The following MACF1 variants were observed in gnomAD, a reference collection of about 807,000 sequenced individuals.
MACF1 encodes microtubule actin crosslinking factor 1.
In MACF1, 193 loss-of-function variants were observed where a neutral mutation model predicts 854.8. The observed-to-expected ratio is 0.23, with a 90% CI of 0.20 to 0.25. The LOEUF (loss-of-function observed/expected upper bound fraction) is 0.25. Among genes scored for constraint, MACF1 ranks in the 10% least tolerant of loss-of-function variants. MACF1 has a pLI of 1.00. For missense variants in MACF1, 7,722 were observed against 8,929.1 expected (o/e 0.86, Z 5.45); for synonymous variants, 3,185 against 3,226.7 (o/e 0.99, Z 0.44).
chr1:39,239,253 C>T (rs1012375404), intron 2 of MACF1, among the ~76,000 whole-genome samples: 11 of 151,934 alleles, frequency 7.2e-5, no homozygotes, highest in Admixed American at 2.0e-4. Context: ...CGCACTCCAG[C>T]GTGGGTGACA....
In MACF1 at chr1:39,462,013, C is replaced by T. The variant is rs116271948; in HGVS notation, c.21654C>T (p.Thr7218=). 4.6e-4 allele frequency: 737 copies of T among 1,613,464 alleles called. 3 individuals are homozygous for T. In the African/African-American group the frequency reaches 9.0e-3, roughly 20 times the overall value. Residue 7218 remains threonine (T), a synonymous_variant, in exon 93 of 101, where the codon ACC becomes ACT. Coordinates refer to ENST00000564288, the MANE Select transcript of MACF1 (RefSeq NM_001394062.1). ...ACAAGGATGCGTATCGACCAACAAC[C>T]GATGCAGATAAAATCGAAGATGAGG... is the stretch of plus-strand genomic sequence containing the variant. ...HPNKDAYRPT[T]DADKIEDEVT...
Position 39,435,674 on chromosome 1 carries a change from G to A in MACF1, c.17901G>A (p.Gln5967=). The change falls in exon 70 of 101, where the codon CAG becomes CAA. Residue 5967 remains glutamine, a synonymous_variant. Transcript: ENST00000564288. The part of the protein sequence containing the change: ...EEGEMVEEKY[Q]KAENMYAQIK... Reference sequence around the variant, plus strand: ...GGGAAATGGTGGAAGAAAAATACCAGAAAGCAGAAAACATGTATGCCCAAA... The same window carrying A: ...GGGAAATGGTGGAAGAAAAATACCAAAAAGCAGAAAACATGTATGCCCAAA... The A allele has an allele frequency of 1.2e-6, 2 of 1,614,186 alleles. No individual in the cohort carries two copies. Among genetic ancestry groups the A allele is most frequent in the South Asian group, 2.2e-5 (2 of 91,090 alleles).
chr1:39,461,899 G>A lies in MACF1; in HGVS notation c.21540G>A (p.Lys7180=). The change falls in exon 93 of 101, where the codon AAG becomes AAA. Residue 7180 remains lysine (K), a synonymous_variant. Coordinates refer to ENST00000564288, the MANE Select transcript of MACF1 (RefSeq NM_001394062.1). ...GILASKFPTT[K]LEMTAVADIF... ...TTTCTCCAGAGTTCCCCACCACCAAGTTAGAGATGACTGCTGTGGCTGACA... is the reference window on the plus strand; with the variant it reads ...TTTCTCCAGAGTTCCCCACCACCAAATTAGAGATGACTGCTGTGGCTGACA... 1 of 1,612,314 alleles carries A rather than the reference G, an allele frequency of 6.2e-7. No individual in the cohort carries two copies.
chr1:39,427,902 TG>T, intron 62 of MACF1, 58 bp from the exon 63 acceptor site: 2 of 1,295,614 alleles, frequency 1.5e-6, no homozygotes, highest in African/African-American at 2.9e-5. Context: ...TTCATCATTT[TG>T]TGTTTACTTT....
chr1:39,123,720 T>TG (rs1553139338), intron 2 of MACF1, among the ~76,000 whole-genome samples: 1 of 134,158 alleles, frequency 7.5e-6, no homozygotes, highest in Non-Finnish European at 1.6e-5. Context: ...TTGTTTTGTT[T>TG]TTTTTTTTTT....
intron 2 of MACF1, among the ~76,000 whole-genome samples, chr1:39,133,469 G>A (rs1643064615): frequency 6.6e-6 from 1 of 152,160 alleles, no homozygotes; most frequent in Non-Finnish European, 1.5e-5. Context: ...CTATAGTTGT[G>A]TGTGTTTAAC....
chr1:39,412,929 A>T, intron 58 of MACF1: 1 of 1,604,666 alleles, frequency 6.2e-7, no homozygotes, highest in Non-Finnish European at 8.5e-7. Context: ...TTGCTTCAAT[A>T]GTCTCCTTAG....
intron 46 of MACF1, 51 bp from the exon 47 acceptor site, chr1:39,359,090 C>A: frequency 6.2e-7 from 1 of 1,607,312 alleles, no homozygotes; most frequent in Non-Finnish European, 8.5e-7. Context: ...TTCCTAGAAT[C>A]ATCTTTGATT....
intron 2 of MACF1, among the ~76,000 whole-genome samples, chr1:39,199,478 C>T (rs1644363362): frequency 6.6e-6 from 1 of 151,894 alleles, no homozygotes; most frequent in Admixed American, 6.6e-5. Context: ...GATCCTGTCT[C>T]TACAGAAAAA....
At chr1:39,174,749 A>C (rs1262675451) in intron 2 of MACF1, among the ~76,000 whole-genome samples, 1 of 152,174 alleles carries the variant, frequency 6.6e-6, no homozygotes, top group Non-Finnish European at 1.5e-5. Flanking sequence ...GCTTGAACCA[A>C]GGTATAGAGA....
At chr1:39,088,281 G>T (rs770387962) in intron 2 of MACF1, among the ~76,000 whole-genome samples, 1 of 152,216 alleles carries the variant, frequency 6.6e-6, no homozygotes, top group Admixed American at 6.5e-5. Flanking sequence ...CCGAGATGGG[G>T]TTTCACCATG....
chr1:39,214,985 C>G (rs1354014012), intron 1 of MACF1, among the ~76,000 whole-genome samples: 1 of 152,202 alleles, frequency 6.6e-6, no homozygotes, highest in Non-Finnish European at 1.5e-5. Context: ...GAGGGTAACT[C>G]AAAGACCAGT....
In MACF1 at chr1:39,105,350, G is replaced by A. The variant is rs1049558686; in HGVS notation, c.220+20912G>A. ...GCCGCCGCCGCCCGCCGCTGCAGCC[G>A]CGCCGGGGCGGGCTGAGGGAGGAGC... On this transcript the variant is annotated intron_variant, in intron 2 of 93. Transcript: ENST00000361689. The surrounding 1 kb of genome is among the most constrained non-coding windows in gnomAD (Gnocchi z 5.9). 9 of 957,672 alleles carry A rather than the reference G, an allele frequency of 9.4e-6. No homozygotes were observed. The highest frequency in any genetic ancestry group is 1.1e-5 in the Non-Finnish European group (9 of 805,228). The allele number at this position is 957,672 out of a possible 1,614,324, so 59.3% of individuals were successfully genotyped here. A position where few individuals can be genotyped will look rare whatever the true frequency, so the allele number is the denominator to read the frequency against.
intron 50 of MACF1, among the ~76,000 whole-genome samples, chr1:39,369,757 C>T (rs750531700): frequency 1.3e-5 from 2 of 152,188 alleles, no homozygotes; most frequent in Admixed American, 1.3e-4. Context: ...TAAATAGCAG[C>T]CTCCCTTTAG....
chr1:39,116,710 A>T (rs546503292), intron 2 of MACF1, among the ~76,000 whole-genome samples: 1 of 152,328 alleles, frequency 6.6e-6, no homozygotes, highest in African/African-American at 2.4e-5. Context: ...TTAGCTAAAT[A>T]CTATGCAGAA....
chr1:39,350,879 G>A lies in MACF1; in HGVS notation c.11060G>A (p.Ser3687Asn), dbSNP rs1647163146. The change falls in exon 43 of 101, where the codon AGC becomes AAC. Residue 3687 changes from serine (S) to asparagine (N), a missense_variant. This residue lies in a region of MACF1 where 2,807 missense variants were observed against 3,235.8 expected (regional missense o/e 0.87). Transcript: ENST00000564288. ...GFMEENQTKL[S>N]PRELTALREK... ...ATGGAAGAGAATCAGACCAAGCTGAGCCCACGTGAGTTGACAGCTCTTCGG... is the reference window on the plus strand; with the variant it reads ...ATGGAAGAGAATCAGACCAAGCTGAACCCACGTGAGTTGACAGCTCTTCGG... 1 of 1,614,098 alleles carries A rather than the reference G, an allele frequency of 6.2e-7. No individual in the cohort carries two copies.
intron 52 of MACF1, among the ~76,000 whole-genome samples, chr1:39,375,174 T>A (rs1022049997): frequency 6.6e-6 from 1 of 152,216 alleles, no homozygotes; most frequent in East Asian, 1.9e-4. Flanking sequence ...TAAGTTTCCC[T>A]TATATGTTAT....
chr1:39,430,565 A>G, intron 65 of MACF1, 137 bp from the exon 66 acceptor site: 1 of 685,680 alleles, frequency 1.5e-6, no homozygotes, highest in Non-Finnish European at 2.5e-6. Flanking sequence ...AAAATCTGAG[A>G]TGAGAAAAAA....
In MACF1 at chr1:39,166,606, C is replaced by T. The variant is rs981692656; in HGVS notation, c.221-64576C>T. Reference sequence around the variant, plus strand: ...TGAGTAGCTGGGATTTGCCCACTACCACACCTGGCTGATTTTTTGTATTTT... The same window carrying T: ...TGAGTAGCTGGGATTTGCCCACTACTACACCTGGCTGATTTTTTGTATTTT... On this transcript the variant is annotated intron_variant, in intron 2 of 93. Transcript: ENST00000361689. Among the ~76,000 whole-genome samples, 8 of 151,498 alleles carry T rather than the reference C, an allele frequency of 5.3e-5. No homozygotes were observed. The East Asian group carries it at 1.6e-3, about 30-fold the overall frequency.
Sources: gnomAD v4.1 joint callset for allele counts (sites outside exome capture counted in the v4.1 genomes callset) on GRCh38, gnomAD v4.1.1 for gene constraint, gnomAD v4.1.1 regional missense constraint, Gnocchi (gnomAD v3.1) non-coding constraint, MANE v1.5 for transcripts, NCBI Gene and HGNC (gene_info 2026-07-23, HGNC 2026-07-21) for gene names.